Variants in CWH43 observed in about 807,000 individuals in gnomAD.
The protein encoded by CWH43 is PGAP2-interacting protein.
In CWH43, 91 loss-of-function variants were observed where a neutral mutation model predicts 85.7. The observed-to-expected ratio is 1.06, with a 90% CI of 0.90 to 1.26. The LOEUF (loss-of-function observed/expected upper bound fraction) is 1.26. Among genes scored for constraint, CWH43 ranks in the 50% most tolerant of loss-of-function variants. CWH43 has a pLI of 0.00. For synonymous variants in CWH43, 323 were observed against 293.6 expected (o/e 1.10, Z -1.02); for missense variants, 869 against 839.2 (o/e 1.04, Z -0.44).
At chr4:48,999,698 T>C (rs571749231) in intron 6 of CWH43, among the ~76,000 whole-genome samples, 73 of 152,346 alleles carry the variant, frequency 4.8e-4, no homozygotes, top group South Asian at 4.8e-3. Context: ...CCTCTTTCAC[T>C]CTTCAAGATT....
At chr4:49,028,277 A>AG (rs1219637157) in intron 9 of CWH43, among the ~76,000 whole-genome samples, 2 of 152,088 alleles carry the variant, frequency 1.3e-5, no homozygotes, top group African/African-American at 4.8e-5. Context: ...TTCATTTATT[A>AG]GGGCTGTGTA....
At chr4:49,042,617 G>A (rs1308888989) in intron 13 of CWH43, among the ~76,000 whole-genome samples, 2 of 152,114 alleles carry the variant, frequency 1.3e-5, no homozygotes, top group African/African-American at 4.8e-5. Flanking sequence ...GAAGTGAGTG[G>A]TATTGCTAGT....
intron 8 of CWH43, 34 bp from the exon 9 acceptor site, chr4:49,017,215 T>TA (rs779241091): frequency 1.3e-4 from 199 of 1,555,512 alleles, no homozygotes; most frequent in South Asian, 4.7e-5. Context: ...TTATTTATTT[T>TA]AAAAAAACCC....
intron 3 of CWH43, 87 bp downstream of exon 3, chr4:48,991,661 GT>G: frequency 6.8e-7 from 1 of 1,461,384 alleles, no homozygotes; most frequent in Non-Finnish European, 9.3e-7. Context: ...CCAGGTTATA[GT>G]TTTTACCTTC....
chr4:49,058,791 C>A (rs868214969), intron 15 of CWH43, among the ~76,000 whole-genome samples: 2 of 152,178 alleles, frequency 1.3e-5, no homozygotes, highest in Non-Finnish European at 2.9e-5. Flanking sequence ...ATCTCAATTT[C>A]TTTTGGCCTG....
intron 15 of CWH43, among the ~76,000 whole-genome samples, chr4:49,053,365 G>C (rs1311570340): frequency 1.3e-5 from 2 of 152,108 alleles, no homozygotes; most frequent in Non-Finnish European, 2.9e-5. Flanking sequence ...AGGAACTTTG[G>C]TAATGTTTTC....
At chr4:48,998,330 A>T in intron 5 of CWH43, 130 bp from the exon 6 acceptor site, 2 of 662,218 alleles carry the variant, frequency 3.0e-6, no homozygotes, top group South Asian at 3.7e-5. Context: ...GGCTCTCATG[A>T]TCTCACTGGT....
At chr4:49,032,772 T>C (rs1392225033) in intron 12 of CWH43, 57 bp downstream of exon 12, 8 of 1,577,944 alleles carry the variant, frequency 5.1e-6, no homozygotes, top group East Asian at 2.3e-5. Context: ...TTATTAACAA[T>C]GTACTTTGAT....
At chr4:49,040,833 A>C (rs2089850660) in intron 13 of CWH43, among the ~76,000 whole-genome samples, 1 of 152,172 alleles carries the variant, frequency 6.6e-6, no homozygotes, top group African/African-American at 2.4e-5. Flanking sequence ...CTATGTCCTG[A>C]ATGGTATTGC....
rs200399183 is a variant in CWH43 at position 49,032,664 on chromosome 4, A to C, written c.1607A>C (p.Asn536Thr). Residue 536 changes from asparagine to threonine, a missense_variant, in exon 12 of 16, where the codon AAC becomes ACC. By Grantham distance (65) the Asn-to-Thr change is moderately conservative. Around this residue, in one of 3 missense-constraint regions of CWH43, gnomAD observed 577 missense variants for 513.1 expected, o/e 1.12. Transcript: ENST00000226432. Reference sequence around the variant, plus strand: ...GCACCAGCCATCACATTGACCGTTAACATTTCGGGCAAGCTGGTGGATTTT... The same window carrying C: ...GCACCAGCCATCACATTGACCGTTACCATTTCGGGCAAGCTGGTGGATTTT... Reference protein sequence around the residue: ...EIAPAITLTVNISGKLVDFVV... With the variant: ...EIAPAITLTVTISGKLVDFVV... 3 of 1,614,092 alleles carry C rather than the reference A, an allele frequency of 1.9e-6. No homozygotes were observed. Among genetic ancestry groups the C allele is most frequent in the Non-Finnish European group, 2.5e-6 (3 of 1,179,958 alleles).
intron 4 of CWH43, 144 bp from the exon 5 acceptor site, chr4:48,994,475 T>C (rs1256656119): frequency 2.1e-5 from 14 of 656,394 alleles, no homozygotes; most frequent in South Asian, 9.4e-5. Context: ...TAGCTTCATA[T>C]TGTAGTTGCA....
At chr4:48,990,154 T>A (rs1782614343) in intron 2 of CWH43, among the ~76,000 whole-genome samples, 1 of 152,218 alleles carries the variant, frequency 6.6e-6, no homozygotes, top group Non-Finnish European at 1.5e-5. Context: ...TGGTAAGGGA[T>A]GTGATATAAA....
At position 49,061,825 on chromosome 4, in the gene CWH43, AAAG is replaced by A. The variant is rs1220161068; in HGVS notation, c.2039_2041del (p.Glu680del). 9 of 1,393,052 alleles carry A rather than the reference AAAG, an allele frequency of 6.5e-6. No individual in the cohort carries two copies. The highest frequency in any genetic ancestry group is 8.6e-6 in the Non-Finnish European group (9 of 1,047,438). 86.3% of individuals were successfully genotyped at this position (1,393,052 alleles called of 1,614,324 possible). A position where few individuals can be genotyped will look rare whatever the true frequency, so the allele number is the denominator to read the frequency against. On this transcript the variant is annotated inframe_deletion, in exon 16 of 16. Transcript: ENST00000226432. ...TTATTTTTTTAGATTTGGATCCTAC[AAAG>A]AAGGACACAATTATGAAAACAACCA...
intron 9 of CWH43, among the ~76,000 whole-genome samples, chr4:49,028,137 A>C (rs1401896496): frequency 6.6e-6 from 1 of 152,098 alleles, no homozygotes; most frequent in East Asian, 1.9e-4. Context: ...TATTGTTACT[A>C]TATATGACAG....
chr4:49,039,458 C>T (rs1224558375), intron 13 of CWH43, among the ~76,000 whole-genome samples: 1 of 133,678 alleles, frequency 7.5e-6, no homozygotes, highest in Non-Finnish European at 1.6e-5. Flanking sequence ...TACTATAATG[C>T]CAAATGAATT....
At chr4:49,040,152 A>G (rs1370292394) in intron 13 of CWH43, among the ~76,000 whole-genome samples, 2 of 152,114 alleles carry the variant, frequency 1.3e-5, no homozygotes, top group Non-Finnish European at 2.9e-5. Context: ...TCATTGTTGG[A>G]CATTTGGGTT....
intron 7 of CWH43, among the ~76,000 whole-genome samples, chr4:49,004,564 T>A (rs549016469): frequency 5.6e-4 from 86 of 152,230 alleles, no homozygotes; most frequent in African/African-American, 1.9e-3. Context: ...ATTTAAAAAA[T>A]TTTTTGTAGA....
intron 9 of CWH43, 61 bp downstream of exon 9, chr4:49,017,389 T>C: frequency 8.2e-7 from 1 of 1,220,386 alleles, no homozygotes; most frequent in Non-Finnish European, 1.2e-6. Context: ...CATATATTTG[T>C]ACAATTTACC....
intron 3 of CWH43, 103 bp downstream of exon 3, chr4:48,991,677 T>C: frequency 1.5e-6 from 2 of 1,350,834 alleles, no homozygotes; most frequent in Non-Finnish European, 2.0e-6. Context: ...ACCTTCCATA[T>C]GGCTTTGTCA....
Sources: allele counts gnomAD v4.1 joint callset (sites outside exome capture counted in the v4.1 genomes callset), GRCh38; gene constraint gnomAD v4.1.1; regional missense constraint gnomAD v4.1.1; transcripts MANE v1.5; gene names NCBI Gene and HGNC (gene_info 2026-07-23, HGNC 2026-07-21).